ELP4: variants seen among roughly 807,000 people sequenced by gnomAD.
ELP4 encodes the protein elongator acetyltransferase complex subunit 4.
ELP4 carries 51 observed loss-of-function variants against 48.9 expected under a neutral mutation model. The observed-to-expected ratio is 1.04, with a 90% CI of 0.83 to 1.32. The LOEUF (loss-of-function observed/expected upper bound fraction) is 1.32, where lower values mean the gene tolerates loss of function less well. ELP4 is among the 40% of genes most tolerant of loss of function. The pLI, the probability that ELP4 is intolerant of heterozygous loss-of-function variation, is 0.00. For synonymous variants in ELP4, 210 were observed against 189.2 expected (o/e 1.11, Z -0.90); for missense variants, 519 against 514.6 (o/e 1.01, Z -0.08).
intron 2 of ELP4, among the ~76,000 whole-genome samples, chr11:31,527,494 C>T (rs538648202): frequency 4.6e-5 from 7 of 152,204 alleles, no homozygotes; most frequent in African/African-American, 1.4e-4. Flanking sequence ...ATCTGTTTCT[C>T]TTCCTATGGA....
At position 31,788,209 on chromosome 11, in the gene ELP4, A is replaced by C; in HGVS notation, c.*4685A>C. 1 of 225,656 alleles carries C rather than the reference A, an allele frequency of 4.4e-6. No homozygotes were observed. Among genetic ancestry groups the C allele is most frequent in the East Asian group, 6.3e-5 (1 of 15,760 alleles). 14.0% of individuals were successfully genotyped at this position (225,656 alleles called of 1,614,324 possible). A position where few individuals can be genotyped will look rare whatever the true frequency, so the allele number is the denominator to read the frequency against. ...CATTGCAAATAACAACTGACCAACAATGGGCCCTGCTTCATAGATTTGGGA... is the reference window on the plus strand; with the variant it reads ...CATTGCAAATAACAACTGACCAACACTGGGCCCTGCTTCATAGATTTGGGA... On this transcript the variant is annotated 3_prime_UTR_variant, in exon 10 of 10. Transcript: ENST00000640961.
intron 7 of ELP4, chr11:31,637,450 A>G (rs1945004961): frequency 6.6e-6 from 1 of 151,918 alleles, no homozygotes; most frequent in Non-Finnish European, 1.5e-5. Flanking sequence ...CCTACATATT[A>G]TTATAATTAT....
At chr11:31,526,594 G>GA (rs1332201954) in intron 2 of ELP4, among the ~76,000 whole-genome samples, 5 of 151,470 alleles carry the variant, frequency 3.3e-5, no homozygotes, top group Non-Finnish European at 3.0e-5. Flanking sequence ...ATGTCACACA[G>GA]AAAAAAAATA....
intron 9 of ELP4, among the ~76,000 whole-genome samples, chr11:31,660,117 A>G (rs979716609): frequency 2.0e-5 from 3 of 152,228 alleles, no homozygotes; most frequent in Non-Finnish European, 2.9e-5. Flanking sequence ...AAATAATTAT[A>G]TGAATGAAAA....
At chr11:31,614,811 G>A (rs1565080129) in intron 5 of ELP4, among the ~76,000 whole-genome samples, 1 of 152,112 alleles carries the variant, frequency 6.6e-6, no homozygotes, top group African/African-American at 2.4e-5. Flanking sequence ...CAAACATCTG[G>A]ACTATAATCC....
intron 3 of ELP4, among the ~76,000 whole-genome samples, chr11:31,579,213 T>G (rs530690399): frequency 6.6e-6 from 1 of 152,132 alleles, no homozygotes; most frequent in African/African-American, 2.4e-5. Context: ...ATCAGAGAAA[T>G]GCAAATCAAA....
At chr11:31,707,030 T>G (rs1946648405) in intron 9 of ELP4, 2 of 398,368 alleles carry the variant, frequency 5.0e-6, no homozygotes, top group Admixed American at 4.4e-5. Flanking sequence ...TGAATAGTGC[T>G]GCAGTAGACG....
chr11:31,577,093 T>C (rs1307458710), intron 3 of ELP4, among the ~76,000 whole-genome samples: 2 of 151,916 alleles, frequency 1.3e-5, no homozygotes, highest in Non-Finnish European at 2.9e-5. Flanking sequence ...AATAAAAAGA[T>C]AAAGGGGATA....
chr11:31,575,918 AG>A (rs2133963387), intron 3 of ELP4, among the ~76,000 whole-genome samples: 1 of 152,356 alleles, frequency 6.6e-6, no homozygotes, highest in South Asian at 2.1e-4. Flanking sequence ...TAATAATGAC[AG>A]GATCAAATTC....
In ELP4 at chr11:31,790,059, T is replaced by C. The variant is rs751917532; in HGVS notation, c.*6535T>C. 32 of 1,060,198 alleles carry C rather than the reference T, an allele frequency of 3.0e-5. No homozygotes were observed. The highest frequency in any genetic ancestry group is 4.5e-5 in the Non-Finnish European group (32 of 708,020). The allele number at this position is 1,060,198 out of a possible 1,614,324, so 65.7% of individuals were successfully genotyped here. On this transcript the variant is annotated 3_prime_UTR_variant, in exon 10 of 10. Transcript: ENST00000640961. ...AAGAAATAGCCATGTAGATATTCCC[T>C]TTGAGAAACAGACATGGAATACAAA...
chr11:31,545,956 G>T (rs893368679), intron 3 of ELP4, among the ~76,000 whole-genome samples: 2 of 151,626 alleles, frequency 1.3e-5, no homozygotes, highest in African/African-American at 4.8e-5. Flanking sequence ...TCACCACCAG[G>T]CCTGCCCTAA....
chr11:31,625,442 G>A (rs1213089080), intron 5 of ELP4, among the ~76,000 whole-genome samples: 2 of 151,760 alleles, frequency 1.3e-5, no homozygotes, highest in Non-Finnish European at 2.9e-5. Context: ...TAAAGAAAAT[G>A]TGGTGTACAC....
At chr11:31,650,354 AT>A in intron 9 of ELP4, 133 bp downstream of exon 9, 2 of 438,852 alleles carry the variant, frequency 4.6e-6, no homozygotes, top group Non-Finnish European at 8.3e-6. Flanking sequence ...TATGCTAAGT[AT>A]TTTTAAGTTC....
rs551297241 is a variant in ELP4, at chr11:31,517,536, C to T, written c.224-2520C>T. ...CTACAAAACTTTTTTGTGGAAAGTT[C>T]TTTATTAGTGTTCTAAATATTTCTT... On this transcript the variant is annotated intron_variant, in intron 1 of 9. Coordinates refer to ENST00000640961, the MANE Select transcript of ELP4 (RefSeq NM_019040.5). Among the ~76,000 whole-genome samples, 42 of 152,140 alleles carry T rather than the reference C, an allele frequency of 2.8e-4. 2 individuals are homozygous for T. The East Asian group carries it at 6.4e-3, about 23-fold the overall frequency.
rs190033618 is a variant in ELP4 at position 31,629,259 on chromosome 11, G to A, written c.738+2065G>A. 7.2e-5 allele frequency among the ~76,000 whole-genome samples: 11 copies of A among 151,940 alleles called. No individual in the cohort carries two copies. The East Asian group carries it at 9.7e-4, about 13-fold the overall frequency. ...CAGATTAAATATTTTGGATGTTCTC[G>A]TAGGAATAAAACTATTTATTGTACA... On this transcript the variant is annotated intron_variant, in intron 6 of 9. Coordinates refer to ENST00000640961, the MANE Select transcript of ELP4 (RefSeq NM_019040.5).
intron 3 of ELP4, chr11:31,573,714 G>C (rs1280551948): frequency 1.3e-5 from 2 of 151,814 alleles, no homozygotes; most frequent in Admixed American, 1.3e-4. Context: ...CATCTCATTA[G>C]GGGATAGGAC....
chr11:31,671,608 G>A (rs1009340182), intron 9 of ELP4, among the ~76,000 whole-genome samples: 1 of 151,960 alleles, frequency 6.6e-6, no homozygotes, highest in African/African-American at 2.4e-5. Flanking sequence ...GGACTGAAAG[G>A]CATACAACAA....
chr11:31,638,094 G>A (rs1945018146), intron 7 of ELP4, among the ~76,000 whole-genome samples: 2 of 151,738 alleles, frequency 1.3e-5, no homozygotes, highest in Non-Finnish European at 2.9e-5. Flanking sequence ...CATTCTCACA[G>A]CATTTTTTTC....
chr11:31,572,610 A>G (rs1957207650), intron 3 of ELP4, among the ~76,000 whole-genome samples: 2 of 152,302 alleles, frequency 1.3e-5, no homozygotes, highest in South Asian at 4.1e-4. Flanking sequence ...CTATCTATCT[A>G]TCTGTCTATC....
Sources: allele counts gnomAD v4.1 joint callset (sites outside exome capture counted in the v4.1 genomes callset), GRCh38; gene constraint gnomAD v4.1.1; transcripts MANE v1.5; gene names NCBI Gene and HGNC (gene_info 2026-07-23, HGNC 2026-07-21).